Variants in SLC25A16 observed in about 807,000 individuals in gnomAD.
SLC25A16 encodes mitochondrial coenzyme A transporter SLC25A16.
In SLC25A16, 39 loss-of-function variants were observed where a neutral mutation model predicts 41.5. That is an observed-to-expected ratio of 0.94 (90% CI 0.73 to 1.23). SLC25A16 has a LOEUF of 1.23. SLC25A16 is among the 50% of genes most tolerant of loss of function. The pLI is 0.00. For missense variants in SLC25A16, 421 were observed against 426.9 expected (o/e 0.99, Z 0.12); for synonymous variants, 146 against 147.8 (o/e 0.99, Z 0.09).
intron 2 of SLC25A16, 63 bp downstream of exon 2, chr10:68,516,688 C>T (rs933356594): frequency 5.0e-6 from 6 of 1,197,652 alleles, no homozygotes; most frequent in Admixed American, 4.5e-5. Context: ...ACTTAAATTC[C>T]CTTTTTTGCC....
chr10:68,512,029 G>C (rs986502717), intron 2 of SLC25A16, among the ~76,000 whole-genome samples: 1 of 151,988 alleles, frequency 6.6e-6, no homozygotes, highest in Non-Finnish European at 1.5e-5. Context: ...GATAATTTTT[G>C]TATTTTTAGT....
chr10:68,524,535 T>C (rs1015431115), intron 1 of SLC25A16, among the ~76,000 whole-genome samples: 34 of 147,412 alleles, frequency 2.3e-4, no homozygotes, highest in African/African-American at 8.1e-4. Flanking sequence ...TAAGACACCG[T>C]CTCAAAAATA....
chr10:68,517,083 C>A, intron 1 of SLC25A16: 1 of 1,177,692 alleles, frequency 8.5e-7, no homozygotes, highest in Non-Finnish European at 1.1e-6. Flanking sequence ...TCATCTAATA[C>A]CTGAGGAAGG....
rs866822869 is a variant in SLC25A16 at position 68,480,309 on chromosome 10, T to C, written c.*3123A>G. 6.6e-6 allele frequency: 1 copy of C among 152,300 alleles called. No individual in the cohort carries two copies. Among genetic ancestry groups the C allele is most frequent in the African/African-American group, 2.4e-5 (1 of 41,580 alleles). 9.4% of individuals were successfully genotyped at this position (152,300 alleles called of 1,614,324 possible). A position where few individuals can be genotyped will look rare whatever the true frequency, so the allele number is the denominator to read the frequency against. ...AACACAGTCATTATTTTAAATATTCTTCCATTCTGACTTATGTTTAGCATT... is the reference window on the plus strand; with the variant it reads ...AACACAGTCATTATTTTAAATATTCCTCCATTCTGACTTATGTTTAGCATT... On this transcript the variant is annotated 3_prime_UTR_variant, in exon 9 of 9. Transcript: ENST00000609923.
At chr10:68,514,307 C>A (rs2053121259) in intron 2 of SLC25A16, among the ~76,000 whole-genome samples, 1 of 151,914 alleles carries the variant, frequency 6.6e-6, no homozygotes, top group African/African-American at 2.4e-5. Flanking sequence ...CCAGCCTGGC[C>A]AATATGGTGA....
intron 2 of SLC25A16, among the ~76,000 whole-genome samples, chr10:68,515,749 G>T (rs1258907596): frequency 6.6e-6 from 1 of 152,036 alleles, no homozygotes; most frequent in African/African-American, 2.4e-5. Flanking sequence ...AGTGAGCCGA[G>T]GTCGCGCCAT....
intron 7 of SLC25A16, 134 bp from the exon 8 acceptor site, chr10:68,487,346 G>A (rs1014355833): frequency 3.8e-5 from 24 of 633,976 alleles, no homozygotes; most frequent in Non-Finnish European, 5.8e-5. Flanking sequence ...TAGGAGTCGG[G>A]ATATAGGCAT....
Position 68,487,174 on chromosome 10 carries a change from C to T in SLC25A16, c.812G>A (p.Gly271Glu), listed in dbSNP as rs750127056. 1.7e-5 allele frequency: 28 copies of T among 1,613,370 alleles called. No homozygotes were observed. The highest frequency in any genetic ancestry group is 2.4e-5 in the Non-Finnish European group (28 of 1,179,778). ...FDVTRRRMQL[G>E]TVLPEFEKCL... ...CTTTTCAAATTCCGGCAGAACAGTT[C>T]CTAATTGCATTCGCCGACGAGTCAC... The change falls in exon 8 of 9, where the codon GGA becomes GAA. Residue 271 changes from glycine to glutamate, a missense_variant. Coordinates refer to ENST00000609923, the MANE Select transcript of SLC25A16 (RefSeq NM_152707.4).
rs1174854149 is a variant in SLC25A16 at position 68,501,157 on chromosome 10, T to C, written c.421+2475A>G. Among the ~76,000 whole-genome samples, 13 of 147,740 alleles carry C rather than the reference T, an allele frequency of 8.8e-5. No individual in the cohort carries two copies. The Admixed American group carries it at 8.9e-4, about 10-fold the overall frequency. On this transcript the variant is annotated intron_variant, in intron 4 of 8. Transcript: ENST00000609923. ...TCCCAGCTACTCGGGAAGCTGAGAC[T>C]GGAGAATCGCTTGAACCCAGGAGGT...
intron 2 of SLC25A16, among the ~76,000 whole-genome samples, chr10:68,514,455 C>A (rs545026271): frequency 6.6e-6 from 1 of 151,956 alleles, no homozygotes; most frequent in Non-Finnish European, 1.5e-5. Flanking sequence ...GAGATCACAC[C>A]GCTGCACTCC....
intron 1 of SLC25A16, among the ~76,000 whole-genome samples, chr10:68,521,495 CCCAG>C (rs1488752584): frequency 1.3e-5 from 2 of 151,846 alleles, no homozygotes; most frequent in Non-Finnish European, 2.9e-5. Flanking sequence ...TGCCACTGCA[CCCAG>C]CCTGGGTGAC....
intron 2 of SLC25A16, among the ~76,000 whole-genome samples, chr10:68,512,332 A>G (rs547049028): frequency 6.6e-6 from 1 of 152,236 alleles, no homozygotes; most frequent in South Asian, 2.1e-4. Context: ...TCTAATAGAA[A>G]CTAAATTAAA....
At chr10:68,495,536 C>A (rs1309123465) in intron 4 of SLC25A16, among the ~76,000 whole-genome samples, 2 of 152,098 alleles carry the variant, frequency 1.3e-5, no homozygotes, top group African/African-American at 2.4e-5. Context: ...GTAATCCCAG[C>A]ACTTTGGGAG....
intron 4 of SLC25A16, among the ~76,000 whole-genome samples, chr10:68,500,176 C>A (rs1280237423): frequency 3.9e-5 from 6 of 152,102 alleles, no homozygotes; most frequent in Admixed American, 2.0e-4. Context: ...CCACTTTTTA[C>A]TTTGGCAAAT....
Position 68,503,706 on chromosome 10 carries a change from A to G in SLC25A16, c.358-11T>C. On this transcript the variant is annotated splice_polypyrimidine_tract_variant and intron_variant, in intron 3 of 8. Transcript: ENST00000609923. ...CTTCGTAGTAATTAACTAGAAAACA[A>G]GAACACTGAATTAAATGAGATATTT... is the stretch of plus-strand genomic sequence containing the variant. The G allele has an allele frequency of 6.5e-7, 1 of 1,550,074 alleles. No homozygotes were observed. Among genetic ancestry groups the G allele is most frequent in the East Asian group, 2.2e-5 (1 of 44,508 alleles).
intron 1 of SLC25A16, among the ~76,000 whole-genome samples, chr10:68,526,926 A>C (rs535072991): frequency 6.6e-6 from 1 of 152,262 alleles, no homozygotes; most frequent in South Asian, 2.1e-4. Context: ...AGTGCCCAGC[A>C]TGTCTCACTA....
Position 68,506,590 on chromosome 10 carries a change from T to A in SLC25A16, c.352A>T (p.Lys118Ter). The A allele has an allele frequency of 6.3e-7, 1 of 1,578,446 alleles. No individual in the cohort carries two copies. The highest frequency in any genetic ancestry group is 8.6e-7 in the Non-Finnish European group (1 of 1,165,594). Residue 118 changes from lysine to a stop codon, truncating the protein, a stop_gained, in exon 3 of 9, where the codon AAA (lysine) becomes TAA (stop). Coordinates refer to ENST00000609923, the MANE Select transcript of SLC25A16 (RefSeq NM_152707.4). LOFTEE classifies it high-confidence loss of function. ...AAAGATCAAAGTTTAACTACCGTTT[T>A]ATAATGCTCAAATGCCATAAACTGG... ...AIQFMAFEHY[K>*]TLITTKLGIS...
Position 68,527,250 on chromosome 10 carries a change from G to A in SLC25A16, c.126C>T (p.Ala42=), listed in dbSNP as rs1261177082. The A allele has an allele frequency of 1.5e-5, 23 of 1,547,872 alleles. No homozygotes were observed. The East Asian group carries it at 2.0e-4, about 13-fold the overall frequency. Reference sequence around the variant, plus strand: ...CTCTTCGTGGCATGGACCCACCTCCGGCCAGAAAGGAGCGCAGCCAGTAGA... The same window carrying A: ...CTCTTCGTGGCATGGACCCACCTCCAGCCAGAAAGGAGCGCAGCCAGTAGA... ...RDFYWLRSFL[A]GGIAGCCAKT... The change falls in exon 1 of 9, where the codon GCC becomes GCT. Residue 42 remains alanine (A), a synonymous_variant. Coordinates refer to ENST00000609923, the MANE Select transcript of SLC25A16 (RefSeq NM_152707.4).
intron 1 of SLC25A16, among the ~76,000 whole-genome samples, chr10:68,526,083 C>G (rs1181340016): frequency 6.6e-6 from 1 of 151,934 alleles, no homozygotes; most frequent in African/African-American, 2.4e-5. Flanking sequence ...CAGCCCGACA[C>G]CCGTAAAGGG....
Sources: gnomAD v4.1 joint callset for allele counts (sites outside exome capture counted in the v4.1 genomes callset) on GRCh38, gnomAD v4.1.1 for gene constraint, MANE v1.5 for transcripts, NCBI Gene and HGNC (gene_info 2026-07-23, HGNC 2026-07-21) for gene names.